Variants in RTN3 observed in about 807,000 individuals in gnomAD.
RTN3 encodes the protein reticulon-3.
Under a neutral mutation model 77.8 loss-of-function variants are expected in RTN3, and 49 were observed. That is an observed-to-expected ratio of 0.63 (90% CI 0.50 to 0.80). The LOEUF is 0.80. Ranked by LOEUF, RTN3 falls within the 30% of genes least tolerant of loss-of-function variation. The pLI, the probability that RTN3 is intolerant of heterozygous loss-of-function variation, is 0.00. For synonymous variants in RTN3, 464 were observed against 446.9 expected, an observed-to-expected ratio of 1.04 and a Z score of -0.48; for missense variants, 1,236 against 1,211.9, an observed-to-expected ratio of 1.02 and a Z score of -0.29.
chr11:63,758,149 T>C lies in RTN3; in HGVS notation c.3054-7T>C. On this transcript the variant is annotated splice_region_variant and splice_polypyrimidine_tract_variant and intron_variant, in intron 8 of 8. Coordinates refer to ENST00000377819, the MANE Select transcript of RTN3 (RefSeq NM_001265589.2). ...TTTCTTTCTTTTTCCCCTCCTTTTC[T>C]CAATAGGATCCAAGCAAAACTCCCT... The C allele has an allele frequency of 6.4e-7, 1 of 1,571,972 alleles. No homozygotes were observed. The highest frequency in any genetic ancestry group is 8.6e-7 in the Non-Finnish European group (1 of 1,158,904).
At position 63,729,436 on chromosome 11, in the gene RTN3, C is replaced by CTTTTTTTTTTTT. The variant is rs1177025902; in HGVS notation, c.2530+8416_2530+8427dup. ...GACTGTACTATAGCAAAGGTTTCTG[C>CTTTTTTTTTTTT]TTTTTTTTTTTTTTTTTTTTTTTGT... On this transcript the variant is annotated intron_variant, in intron 3 of 8. Transcript: ENST00000377819. Among the ~76,000 whole-genome samples, 10 of 32,070 alleles carry CTTTTTTTTTTTT rather than the reference C, an allele frequency of 3.1e-4. 2 individuals carry two copies. The highest frequency in any genetic ancestry group is 1.4e-3 in the African/African-American group (9 of 6,596). 21.0% of individuals were successfully genotyped at this position (32,070 alleles called of 152,430 possible).
intron 6 of RTN3, 29 bp downstream of exon 6, chr11:63,753,167 C>T (rs1028059013): frequency 6.3e-7 from 1 of 1,590,480 alleles, no homozygotes; most frequent in South Asian, 1.1e-5. Context: ...TGTGCCCATG[C>T]TCTTTGAAGT....
In RTN3 at chr11:63,718,962, G is replaced by C. The variant is rs1224944454; in HGVS notation, c.460G>C (p.Asp154His). ...SVSLAAGVHC[D>H]RPSIPASFPE... ...TTCTCTTGCAGCAGGAGTTCATTGT[G>C]ACCGTCCTTCTATTCCAGCCAGTTT... is the stretch of plus-strand genomic sequence containing the variant. Residue 154 changes from aspartate to histidine, a missense_variant, in exon 3 of 9, where the codon GAC (aspartate) becomes CAC (histidine). Asp to His is a moderately conservative substitution (Grantham distance 81). This residue lies in a region of RTN3 where 1,056 missense variants were observed against 990.4 expected (regional missense o/e 1.07). Transcript: ENST00000377819. The C allele has an allele frequency of 6.2e-7, 1 of 1,614,058 alleles. No homozygotes were observed. The highest frequency in any genetic ancestry group is 2.2e-5 in the East Asian group (1 of 44,886).
At chr11:63,703,032 A>G (rs559532080) in intron 1 of RTN3, among the ~76,000 whole-genome samples, 2 of 152,198 alleles carry the variant, frequency 1.3e-5, no homozygotes, top group South Asian at 2.1e-4. Context: ...ATGTCTACGT[A>G]TACACTTAGC....
chr11:63,740,448 A>ATTT (rs34045543), intron 3 of RTN3, among the ~76,000 whole-genome samples: 37 of 120,746 alleles, frequency 3.1e-4, no homozygotes, highest in African/African-American at 5.3e-4. Context: ...TGCCTGGCTA[A>ATTT]TTTTTTTTTT....
chr11:63,750,740 G>A (rs977573820), intron 4 of RTN3, among the ~76,000 whole-genome samples: 25 of 148,876 alleles, frequency 1.7e-4, no homozygotes, highest in African/African-American at 4.9e-4. Flanking sequence ...TTTTTTGTTT[G>A]TGTGTTTTTG....
intron 3 of RTN3, among the ~76,000 whole-genome samples, chr11:63,743,047 A>ATTTAT (rs972763782): frequency 1.3e-5 from 2 of 151,994 alleles, no homozygotes; most frequent in African/African-American, 2.4e-5. Flanking sequence ...TGTCTGGCTA[A>ATTTAT]TTTATTTTAT....
intron 3 of RTN3, among the ~76,000 whole-genome samples, chr11:63,732,298 G>T (rs915872149): frequency 9.2e-5 from 14 of 152,036 alleles, no homozygotes; most frequent in African/African-American, 2.4e-4. Flanking sequence ...AGGACTACAG[G>T]CAGGCATCTA....
chr11:63,733,157 A>G (rs1344568171), intron 3 of RTN3, among the ~76,000 whole-genome samples: 1 of 151,482 alleles, frequency 6.6e-6, no homozygotes, highest in Non-Finnish European at 1.5e-5. Context: ...TCTACTAAAA[A>G]TACAAAAAAA....
Position 63,758,358 on chromosome 11 carries a change from CCCT to C in RTN3, c.*159_*161del, listed in dbSNP as rs1320182509. ...GTTTTCTCCCATCCTTTCCCTTTAA[CCCT>C]CAGTATCAAGCACAAAAATTGATGG... On this transcript the variant is annotated 3_prime_UTR_variant, in exon 9 of 9. Coordinates refer to ENST00000377819, the MANE Select transcript of RTN3 (RefSeq NM_001265589.2). 6.2e-7 allele frequency: 1 copy of C among 1,601,838 alleles called. No individual in the cohort carries two copies. Among genetic ancestry groups the C allele is most frequent in the African/African-American group, 1.3e-5 (1 of 74,138 alleles).
rs375692793 is a variant in RTN3, at chr11:63,719,514, G to A, written c.1012G>A (p.Glu338Lys). The A allele has an allele frequency of 4.3e-6, 7 of 1,614,132 alleles. No individual in the cohort carries two copies. The highest frequency in any genetic ancestry group is 1.3e-5 in the African/African-American group (1 of 75,030). ...GAATGATATGCATAACTTTACTAAC[G>A]AAATACTGACTTGGGATCTGGTTCC... ...CVNDMHNFTN[E>K]ILTWDLVPQV... The change falls in exon 3 of 9, where the codon GAA (glutamate) becomes AAA (lysine). Residue 338 changes from glutamate to lysine, a missense_variant. This residue lies in a region of RTN3 where 1,056 missense variants were observed against 990.4 expected (regional missense o/e 1.07). Transcript: ENST00000377819.
intron 1 of RTN3, among the ~76,000 whole-genome samples, chr11:63,682,148 G>T (rs1265332255): frequency 2.0e-5 from 3 of 152,234 alleles, no homozygotes; most frequent in Admixed American, 2.0e-4. Flanking sequence ...GATACGGGCA[G>T]GTGGGTGGTG....
chr11:63,729,274 A>T (rs1428857104), intron 3 of RTN3, among the ~76,000 whole-genome samples: 1 of 152,082 alleles, frequency 6.6e-6, no homozygotes, highest in African/African-American at 2.4e-5. Flanking sequence ...CACCTGGGTG[A>T]ATATGAAAGG....
intron 2 of RTN3, among the ~76,000 whole-genome samples, chr11:63,716,139 A>T (rs2011385059): frequency 6.6e-6 from 1 of 152,210 alleles, no homozygotes. Flanking sequence ...TTACAGTTAT[A>T]CTATTTCTAA....
At chr11:63,698,101 C>G (rs1406213103) in intron 1 of RTN3, among the ~76,000 whole-genome samples, 34 of 151,672 alleles carry the variant, frequency 2.2e-4, no homozygotes. Flanking sequence ...GTCATCAATG[C>G]GAAATTAATT....
At chr11:63,742,428 T>C (rs976910369) in intron 3 of RTN3, among the ~76,000 whole-genome samples, 1 of 151,560 alleles carries the variant, frequency 6.6e-6, no homozygotes, top group Non-Finnish European at 1.5e-5. Context: ...GGTGGATCAC[T>C]AGAGGTCAGG....
intron 2 of RTN3, among the ~76,000 whole-genome samples, chr11:63,716,979 C>CAAAAAAA (rs6144367): frequency 2.6e-4 from 31 of 120,230 alleles, no homozygotes; most frequent in Admixed American, 7.0e-4. Context: ...AAAAAAAAAA[C>CAAAAAAA]AAAAAAAAAA....
intron 1 of RTN3, among the ~76,000 whole-genome samples, chr11:63,688,501 C>T (rs183304199): frequency 1.3e-5 from 2 of 152,018 alleles, no homozygotes; most frequent in East Asian, 1.9e-4. Flanking sequence ...GGATTACAGG[C>T]GTGAGCCACC....
At chr11:63,752,735 C>A in intron 5 of RTN3, 90 bp downstream of exon 5, 1 of 1,387,830 alleles carries the variant, frequency 7.2e-7, no homozygotes, top group Non-Finnish European at 1.0e-6. Context: ...AGGATTTTAT[C>A]AGACAAAAAT....
Sources: gnomAD v4.1 joint callset for allele counts (sites outside exome capture counted in the v4.1 genomes callset) on GRCh38, gnomAD v4.1.1 for gene constraint, gnomAD v4.1.1 regional missense constraint, MANE v1.5 for transcripts, NCBI Gene and HGNC (gene_info 2026-07-23, HGNC 2026-07-21) for gene names.